The following MAPK9 variants were observed in gnomAD, a reference collection of about 807,000 sequenced individuals.
The protein encoded by MAPK9 is mitogen-activated protein kinase 9, also known as Jun kinase.
Under a neutral mutation model 57.1 loss-of-function variants are expected in MAPK9, and 30 were observed. The ratio of observed to expected loss-of-function variants is 0.53; its 90% CI spans 0.39 to 0.71. The LOEUF (loss-of-function observed/expected upper bound fraction) is 0.71. MAPK9 is among the 30% of genes least tolerant of loss of function. The pLI, the probability that MAPK9 is intolerant of heterozygous loss-of-function variation, is 0.00. For synonymous variants in MAPK9, 155 were observed against 177.0 expected (o/e 0.88, Z 0.99); for missense variants, 362 against 521.0 (o/e 0.69, Z 2.97).
At chr5:180,242,992 G>T in intron 7 of MAPK9, 1 of 403,770 alleles carries the variant, frequency 2.5e-6, no homozygotes, top group Non-Finnish European at 4.4e-6. Context: ...ACACAATGAA[G>T]TCTACACACC....
At chr5:180,260,877 A>G (rs184052423) in intron 5 of MAPK9, among the ~76,000 whole-genome samples, 1 of 152,196 alleles carries the variant, frequency 6.6e-6, no homozygotes, top group Non-Finnish European at 1.5e-5. Flanking sequence ...TGAAAAATGT[A>G]CTGTTTTTTG....
At position 180,277,742 on chromosome 5, in the gene MAPK9, G is replaced by A. The variant is rs554213320; in HGVS notation, c.122+2698C>T. On this transcript the variant is annotated intron_variant, in intron 2 of 11. Transcript: ENST00000452135. ...TATGATAGAAAATCCAATTCCTCTT[G>A]TCAGTGTTAGCTAATCTACTGTTGA... Among the ~76,000 whole-genome samples, 5 of 152,212 alleles carry A rather than the reference G, an allele frequency of 3.3e-5. No individual in the cohort carries two copies. In the East Asian group the frequency reaches 9.7e-4, roughly 29 times the overall value.
intron 2 of MAPK9, among the ~76,000 whole-genome samples, chr5:180,276,469 T>C (rs1761828694): frequency 6.6e-6 from 1 of 152,232 alleles, no homozygotes; most frequent in African/African-American, 2.4e-5. Context: ...GAAATGTACA[T>C]ACATTTTCTC....
chr5:180,281,404 G>A (rs755409163), intron 1 of MAPK9, among the ~76,000 whole-genome samples: 5 of 152,376 alleles, frequency 3.3e-5, no homozygotes, highest in Non-Finnish European at 5.9e-5. Context: ...TGCTCTGCAG[G>A]AGCCTGGATG....
chr5:180,287,769 G>T (rs1305732241), intron 1 of MAPK9, among the ~76,000 whole-genome samples: 1 of 152,076 alleles, frequency 6.6e-6, no homozygotes, highest in African/African-American at 2.4e-5. Flanking sequence ...ACCATGCTGG[G>T]CATGCCCCCA....
At chr5:180,285,060 A>G (rs6867398) in intron 1 of MAPK9, among the ~76,000 whole-genome samples, 34,409 of 152,168 alleles carry the variant, frequency 0.23, 4,003 homozygotes, top group Non-Finnish European at 0.26. Flanking sequence ...TTAAATGAAA[A>G]GCTGCAGAAT....
chr5:180,289,649 C>A (rs1005074596), intron 1 of MAPK9, among the ~76,000 whole-genome samples: 1 of 152,128 alleles, frequency 6.6e-6, no homozygotes, highest in Non-Finnish European at 1.5e-5. Flanking sequence ...AGTATCTGGG[C>A]TGGCACCTGG....
chr5:180,238,720 T>G, intron 10 of MAPK9, among the ~76,000 whole-genome samples: 1 of 150,796 alleles, frequency 6.6e-6, no homozygotes, highest in Admixed American at 6.7e-5. Flanking sequence ...GTGATTCTCA[T>G]GCCTCAGCCA....
At chr5:180,254,792 T>C (rs1431264879) in intron 5 of MAPK9, among the ~76,000 whole-genome samples, 1 of 152,188 alleles carries the variant, frequency 6.6e-6, no homozygotes, top group African/African-American at 2.4e-5. Flanking sequence ...TCCAGCACTT[T>C]GGGAGGCCGA....
chr5:180,236,586 C>G, intron 11 of MAPK9, 60 bp from the exon 12 acceptor site: 1 of 1,574,408 alleles, frequency 6.4e-7, no homozygotes, highest in Admixed American at 1.7e-5. Flanking sequence ...CAAATCCAGG[C>G]AGCGAGACTG....
At chr5:180,244,175 G>A (rs1229995223) in intron 7 of MAPK9, among the ~76,000 whole-genome samples, 1 of 151,952 alleles carries the variant, frequency 6.6e-6, no homozygotes, top group Non-Finnish European at 1.5e-5. Context: ...TACCTCTTCT[G>A]CCTGCTCACT....
At position 180,269,413 on chromosome 5, in the gene MAPK9, G is replaced by T. The variant is rs763580553; in HGVS notation, c.123-4C>A. 6.2e-7 allele frequency: 1 copy of T among 1,613,378 alleles called. No homozygotes were observed. The highest frequency in any genetic ancestry group is 1.1e-5 in the South Asian group (1 of 91,038). On this transcript the variant is annotated splice_polypyrimidine_tract_variant and splice_region_variant and intron_variant, in intron 2 of 11. Transcript: ENST00000452135. ...AAGAACTGTATCAAATGCAGCACTA[G>T]AATTAGGAAATATAATGCACAATCC...
intron 2 of MAPK9, among the ~76,000 whole-genome samples, chr5:180,270,858 C>CAA (rs761904802): frequency 0.023 from 1,890 of 82,462 alleles, 71 homozygotes; most frequent in African/African-American, 0.081. Flanking sequence ...CCCAGGGTCT[C>CAA]AAAAAAAAAA....
In MAPK9 at chr5:180,234,741, T is replaced by C. The variant is rs1757065815; in HGVS notation, c.*1643A>G. The C allele has an allele frequency of 6.6e-6, 1 of 151,644 alleles. No homozygotes were observed. Among genetic ancestry groups the C allele is most frequent in the African/African-American group, 2.4e-5 (1 of 40,948 alleles). 9.4% of individuals were successfully genotyped at this position (151,644 alleles called of 1,614,324 possible). Reference sequence around the variant, plus strand: ...CATTTTGTACTTGAAAGTGTCCAAATGACACAATATAAAAGAACTATTTCT... The same window carrying C: ...CATTTTGTACTTGAAAGTGTCCAAACGACACAATATAAAAGAACTATTTCT... On this transcript the variant is annotated 3_prime_UTR_variant, in exon 12 of 12. Coordinates refer to ENST00000452135, the MANE Select transcript of MAPK9 (RefSeq NM_002752.5).
Position 180,236,409 on chromosome 5 carries a change from G to C in MAPK9, c.1250C>G (p.Thr417Arg). ...SDTDSSLDAS[T>R]GPLEGCR The stretch of plus-strand genomic sequence containing the variant: ...TCATCGACAGCCTTCAAGGGGTCCC[G>C]TCGAGGCATCAAGACTGCTGTCTGT... The change falls in exon 12 of 12, where the codon ACG (threonine) becomes AGG (arginine). Residue 417 changes from threonine (T) to arginine (R), a missense_variant. Thr to Arg is a moderately conservative substitution (Grantham distance 71). This residue lies in a region of MAPK9 where 199 missense variants were observed against 251.3 expected (regional missense o/e 0.79). Transcript: ENST00000452135. The C allele has an allele frequency of 6.2e-7, 1 of 1,612,376 alleles. No individual in the cohort carries two copies. The highest frequency in any genetic ancestry group is 8.5e-7 in the Non-Finnish European group (1 of 1,178,828).
At chr5:180,259,083 T>G (rs139617577) in intron 5 of MAPK9, among the ~76,000 whole-genome samples, 1 of 151,780 alleles carries the variant, frequency 6.6e-6, no homozygotes, top group Non-Finnish European at 1.5e-5. Context: ...CAGCTCCCTT[T>G]GAACACATGA....
rs763870240 is a variant in MAPK9 at position 180,236,494 on chromosome 5, GAGA to G, written c.1162_1164del (p.Ser388del). 13 of 1,614,052 alleles carry G rather than the reference GAGA, an allele frequency of 8.1e-6. No individual in the cohort carries two copies. Among genetic ancestry groups the G allele is most frequent in the Middle Eastern group, 1.6e-4 (1 of 6,062 alleles). On this transcript the variant is annotated inframe_deletion, in exon 12 of 12. Coordinates refer to ENST00000452135, the MANE Select transcript of MAPK9 (RefSeq NM_002752.5). ...GAAATGTCATTGATCGATGAAGACT[GAGA>G]AGGAGTGGCGTTGCTACTTACTGCT... is the stretch of plus-strand genomic sequence containing the variant.
At chr5:180,252,710 C>T (rs1758843233) in intron 5 of MAPK9, among the ~76,000 whole-genome samples, 1 of 152,162 alleles carries the variant, frequency 6.6e-6, no homozygotes, top group Non-Finnish European at 1.5e-5. Context: ...TGGCCTGGGA[C>T]CCTGTGGCCC....
intron 3 of MAPK9, among the ~76,000 whole-genome samples, chr5:180,267,804 CCT>C (rs1491177651): frequency 7.5e-6 from 1 of 132,806 alleles, no homozygotes; most frequent in Non-Finnish European, 1.5e-5. Context: ...AGAATGAGAC[CCT>C]GTCTCAAAAA....
Sources: allele counts gnomAD v4.1 joint callset (sites outside exome capture counted in the v4.1 genomes callset), GRCh38; gene constraint gnomAD v4.1.1; regional missense constraint gnomAD v4.1.1; transcripts MANE v1.5; gene names NCBI Gene and HGNC (gene_info 2026-07-23, HGNC 2026-07-21).